The following CNTNAP5 variants were observed in gnomAD, a reference collection of about 807,000 sequenced individuals.
The protein encoded by CNTNAP5 is contactin-associated protein-like 5.
Under a neutral mutation model 150.2 loss-of-function variants are expected in CNTNAP5, and 72 were observed. The ratio of observed to expected loss-of-function variants is 0.48; its 90% CI spans 0.40 to 0.58. The LOEUF is 0.58. Ranked by LOEUF, CNTNAP5 falls within the 20% of genes least tolerant of loss-of-function variation. The pLI, the probability that CNTNAP5 is intolerant of heterozygous loss-of-function variation, is 0.00. For missense variants in CNTNAP5, 1,636 were observed against 1,626.2 expected (o/e 1.01, Z -0.10); for synonymous variants, 672 against 619.8 (o/e 1.08, Z -1.25).
chr2:124,631,684 G>T (rs184427212), intron 12 of CNTNAP5, among the ~76,000 whole-genome samples: 151 of 152,038 alleles, frequency 9.9e-4, no homozygotes, highest in African/African-American at 3.4e-3. Context: ...TGATGAAATT[G>T]CCAAAAGCAA....
At chr2:124,280,126 A>G (rs2104621963) in intron 3 of CNTNAP5, among the ~76,000 whole-genome samples, 1 of 151,860 alleles carries the variant, frequency 6.6e-6, no homozygotes, top group African/African-American at 2.4e-5. Flanking sequence ...TAAACATCTC[A>G]GCCACCTTCT....
At chr2:124,546,992 G>A (rs1311195197) in intron 10 of CNTNAP5, among the ~76,000 whole-genome samples, 1 of 152,124 alleles carries the variant, frequency 6.6e-6, no homozygotes. Context: ...TATTTTATAT[G>A]TGTAAATATT....
At chr2:124,153,953 A>ATTTCTGAGAAATCTGCCC (rs1433468010) in intron 1 of CNTNAP5, among the ~76,000 whole-genome samples, 3 of 151,670 alleles carry the variant, frequency 2.0e-5, no homozygotes, top group Non-Finnish European at 2.9e-5. Context: ...CATTAATCCT[A>ATTTCTGAGAAATCTGCCC]TTTCTGAGAA....
At chr2:124,049,817 C>A (rs964575096) in intron 1 of CNTNAP5, among the ~76,000 whole-genome samples, 9 of 152,182 alleles carry the variant, frequency 5.9e-5, no homozygotes, top group Non-Finnish European at 1.2e-4. Context: ...CCTGGAGAAT[C>A]CTAATCAAAC....
intron 13 of CNTNAP5, among the ~76,000 whole-genome samples, chr2:124,650,848 G>T (rs999097699): frequency 6.6e-6 from 1 of 152,144 alleles, no homozygotes; most frequent in Non-Finnish European, 1.5e-5. Context: ...CCTGTAGATT[G>T]TTTCCATTTT....
chr2:124,477,946 A>T (rs1693681063), intron 7 of CNTNAP5, among the ~76,000 whole-genome samples: 1 of 152,096 alleles, frequency 6.6e-6, no homozygotes, highest in African/African-American at 2.4e-5. Flanking sequence ...TTATAAAAAC[A>T]TTGCACACTC....
chr2:124,760,709 G>T (rs530592132), intron 14 of CNTNAP5, among the ~76,000 whole-genome samples: 21 of 152,092 alleles, frequency 1.4e-4, no homozygotes, highest in Admixed American at 5.2e-4. Context: ...ATGCATTCCT[G>T]GTGTGGGGTG....
chr2:124,736,323 T>C (rs1178534995), intron 13 of CNTNAP5, among the ~76,000 whole-genome samples: 1 of 152,240 alleles, frequency 6.6e-6, no homozygotes, highest in Non-Finnish European at 1.5e-5. Flanking sequence ...TTTCTTCCTT[T>C]TGCTTTCCAC....
intron 13 of CNTNAP5, among the ~76,000 whole-genome samples, chr2:124,679,213 A>C (rs1173529771): frequency 6.6e-6 from 1 of 151,774 alleles, no homozygotes; most frequent in East Asian, 1.9e-4. Flanking sequence ...TAAATGATGG[A>C]TCTCCTCAAG....
At chr2:124,338,181 GTAT>G (rs1689524310) in intron 3 of CNTNAP5, among the ~76,000 whole-genome samples, 1 of 152,040 alleles carries the variant, frequency 6.6e-6, no homozygotes, top group Admixed American at 6.6e-5. Context: ...TGTTGTTGGT[GTAT>G]AAGAATGCTT....
rs141760747 is a variant in CNTNAP5 at position 124,892,292 on chromosome 2, A to G, written c.3437-10590A>G. On this transcript the variant is annotated intron_variant, in intron 21 of 23. Transcript: ENST00000682447. ...ATGCTACAATTATAGCAAAATCAAC[A>G]GCTGTACTAGAAGAACAATGATATA... 1.9e-3 allele frequency among the ~76,000 whole-genome samples: 293 copies of G among 152,272 alleles called. 2 individuals are homozygous for G. The highest frequency in any genetic ancestry group is 6.7e-3 in the African/African-American group (280 of 41,568).
intron 21 of CNTNAP5, among the ~76,000 whole-genome samples, chr2:124,873,948 C>G (rs2104730291): frequency 6.6e-6 from 1 of 152,126 alleles, no homozygotes; most frequent in Non-Finnish European, 1.5e-5. Context: ...GGAAAAATTC[C>G]TTACTAAAGA....
In CNTNAP5 at chr2:124,822,268, C is replaced by T. The variant is rs896210787; in HGVS notation, c.3217+23948C>T. 1.8e-4 allele frequency among the ~76,000 whole-genome samples: 27 copies of T among 152,134 alleles called. 1 individual carries two copies. The stretch of plus-strand genomic sequence containing the variant: ...GGGGGTTGGTGTGAGGATGCTTAGA[C>T]AGGGTTGATGTGAGAGCCTCTATTT... On this transcript the variant is annotated intron_variant, in intron 19 of 23. Coordinates refer to ENST00000682447, the MANE Select transcript of CNTNAP5 (RefSeq NM_001367498.1).
At chr2:124,346,912 A>T (rs1352225376) in intron 3 of CNTNAP5, among the ~76,000 whole-genome samples, 24 of 103,318 alleles carry the variant, frequency 2.3e-4, no homozygotes, top group African/African-American at 9.5e-4. Context: ...CTCTATTAAA[A>T]ATACAAAAAA....
intron 21 of CNTNAP5, among the ~76,000 whole-genome samples, chr2:124,871,564 T>C (rs2104727432): frequency 6.6e-6 from 1 of 152,230 alleles, no homozygotes; most frequent in East Asian, 1.9e-4. Flanking sequence ...GGACTTTCCC[T>C]ACCTCTTCCT....
intron 1 of CNTNAP5, among the ~76,000 whole-genome samples, chr2:124,156,465 C>A (rs1166604671): frequency 6.6e-6 from 1 of 152,156 alleles, no homozygotes; most frequent in Non-Finnish European, 1.5e-5. Context: ...GCCTGGATGG[C>A]AGACCCTCAA....
At chr2:124,660,822 T>C (rs1364572421) in intron 13 of CNTNAP5, among the ~76,000 whole-genome samples, 1 of 151,320 alleles carries the variant, frequency 6.6e-6, no homozygotes, top group Non-Finnish European at 1.5e-5. Flanking sequence ...CTCAAACCTG[T>C]AATCCCAGCT....
At chr2:124,395,287 A>G (rs549364558) in intron 3 of CNTNAP5, among the ~76,000 whole-genome samples, 32 of 152,276 alleles carry the variant, frequency 2.1e-4, no homozygotes, top group Middle Eastern at 3.4e-3. Context: ...ATGCCTCCCA[A>G]GAAGCAACAG....
chr2:124,211,664 C>T (rs1686016510), intron 1 of CNTNAP5, among the ~76,000 whole-genome samples: 1 of 152,180 alleles, frequency 6.6e-6, no homozygotes, highest in African/African-American at 2.4e-5. Context: ...ACACGTTTAA[C>T]CCATCCACTT....
Sources: gnomAD v4.1 joint callset for allele counts (sites outside exome capture counted in the v4.1 genomes callset) on GRCh38, gnomAD v4.1.1 for gene constraint, MANE v1.5 for transcripts, NCBI Gene and HGNC (gene_info 2026-07-23, HGNC 2026-07-21) for gene names.